SC5D: variants seen among roughly 807,000 people sequenced by gnomAD.
SC5D encodes the protein lathosterol oxidase.
SC5D carries 21 observed loss-of-function variants against 23.9 expected under a neutral mutation model. That is an observed-to-expected ratio of 0.88 (90% CI 0.62 to 1.26). The LOEUF (loss-of-function observed/expected upper bound fraction) is 1.26. Ranked by LOEUF, SC5D falls within the 50% of genes most tolerant of loss-of-function variation. The pLI is 0.00. For synonymous variants in SC5D, 113 were observed against 125.9 expected (o/e 0.90, Z 0.68); for missense variants, 309 against 364.8 (o/e 0.85, Z 1.25).
intron 1 of SC5D, among the ~76,000 whole-genome samples, chr11:121,302,954 G>C (rs577786468): frequency 1.8e-4 from 28 of 152,324 alleles, no homozygotes; most frequent in African/African-American, 6.5e-4. Flanking sequence ...TTGAAGGAGA[G>C]AGATGAGCTG....
chr11:121,293,621 T>A (rs1286024317), intron 1 of SC5D, among the ~76,000 whole-genome samples: 1 of 152,202 alleles, frequency 6.6e-6, no homozygotes, highest in African/African-American at 2.4e-5. Flanking sequence ...TACATAGAGT[T>A]TCCAAACTGG....
chr11:121,299,237 A>G (rs1363885702), intron 1 of SC5D, among the ~76,000 whole-genome samples: 1 of 152,184 alleles, frequency 6.6e-6, no homozygotes, highest in African/African-American at 2.4e-5. Flanking sequence ...TATCTTGGAT[A>G]TTGTTGCTTT....
chr11:121,308,762 G>A lies in SC5D; in HGVS notation c.*1250G>A, dbSNP rs1252998294. The A allele has an allele frequency of 6.6e-6, 1 of 152,598 alleles. No individual in the cohort carries two copies. The highest frequency in any genetic ancestry group is 1.5e-5 in the Non-Finnish European group (1 of 68,018). 9.5% of individuals were successfully genotyped at this position (152,598 alleles called of 1,614,324 possible). The stretch of plus-strand genomic sequence containing the variant: ...CATCCCCGGACACTCAGTGTCACAG[G>A]GGGAAAGAAGTGGGTACCACATTCT... On this transcript the variant is annotated 3_prime_UTR_variant, in exon 5 of 5. Coordinates refer to ENST00000264027, the MANE Select transcript of SC5D (RefSeq NM_006918.5).
intron 1 of SC5D, among the ~76,000 whole-genome samples, chr11:121,293,463 C>T (rs1947866380): frequency 6.6e-6 from 1 of 152,130 alleles, no homozygotes; most frequent in African/African-American, 2.4e-5. Context: ...AATGAAGGGA[C>T]AGCAATCTGG....
rs1947948524 is a variant in SC5D, at chr11:121,304,462, A to G, written c.312A>G (p.Lys104=). ...TGCTGGAGATAAGAGGTTACAGCAAATTACATGATGACCTAGGAGAGTTTC... is the reference window on the plus strand; with the variant it reads ...TGCTGGAGATAAGAGGTTACAGCAAGTTACATGATGACCTAGGAGAGTTTC... ...LFLLEIRGYS[K]LHDDLGEFPY... Residue 104 remains lysine (K), a synonymous_variant, in exon 3 of 5, where the codon AAA becomes AAG. Coordinates refer to ENST00000264027, the MANE Select transcript of SC5D (RefSeq NM_006918.5). 6.2e-7 allele frequency: 1 copy of G among 1,613,338 alleles called. No homozygotes were observed. The highest frequency in any genetic ancestry group is 1.7e-5 in the Admixed American group (1 of 60,006).
At chr11:121,303,615 G>T (rs766796433) in intron 2 of SC5D, 30 bp downstream of exon 2, 1 of 1,483,518 alleles carries the variant, frequency 6.7e-7, no homozygotes. Flanking sequence ...ATTTTCTAAC[G>T]ATTAAAGTAA....
chr11:121,307,400 A>G lies in SC5D; in HGVS notation c.788A>G (p.Lys263Arg). The G allele has an allele frequency of 6.2e-7, 1 of 1,613,638 alleles. No individual in the cohort carries two copies. The highest frequency in any genetic ancestry group is 8.5e-7 in the Non-Finnish European group (1 of 1,179,546). The change falls in exon 5 of 5, where the codon AAG (lysine) becomes AGG (arginine). Residue 263 changes from lysine to arginine, a missense_variant. Coordinates refer to ENST00000264027, the MANE Select transcript of SC5D (RefSeq NM_006918.5). ...AAAAATCCTTCATCCTTTGAGGGGA[A>G]GGGACCGCTCAGTTATGTGAAGGAG... ...SFKNPSSFEGKGPLSYVKEMT... is the reference protein window; with the variant it reads ...SFKNPSSFEGRGPLSYVKEMT...
chr11:121,298,467 A>G (rs1386322499), intron 1 of SC5D, among the ~76,000 whole-genome samples: 1 of 152,218 alleles, frequency 6.6e-6, no homozygotes, highest in East Asian at 1.9e-4. Context: ...GCAATAATAA[A>G]TGTTTAACAT....
At chr11:121,304,845 T>G (rs181607022) in intron 3 of SC5D, 209 of 264,220 alleles carry the variant, frequency 7.9e-4, no homozygotes, top group African/African-American at 4.5e-3. Flanking sequence ...TAAAATGCAT[T>G]ATTCTGCTTC....
In SC5D at chr11:121,306,470, A is replaced by G. The variant is rs773419961; in HGVS notation, c.428A>G (p.His143Arg). 4.0e-6 allele frequency: 6 copies of G among 1,488,140 alleles called. No homozygotes were observed. The highest frequency in any genetic ancestry group is 1.1e-5 in the South Asian group (1 of 88,566). The allele number at this position is 1,488,140 out of a possible 1,614,324, so 92.2% of individuals were successfully genotyped here. A position where few individuals can be genotyped will look rare whatever the true frequency, so the allele number is the denominator to read the frequency against. ...TACTGGATTCACAGAGGCCTTCATC[A>G]TAGACTGGTATATAAGGTAAAGTCA... ...FIYWIHRGLH[H>R]RLVYKRLHKP... Residue 143 changes from histidine to arginine, a missense_variant, in exon 4 of 5, where the codon CAT becomes CGT. Coordinates refer to ENST00000264027, the MANE Select transcript of SC5D (RefSeq NM_006918.5).
intron 1 of SC5D, among the ~76,000 whole-genome samples, chr11:121,301,011 G>A (rs1454392797): frequency 1.3e-5 from 2 of 152,176 alleles, no homozygotes; most frequent in East Asian, 1.9e-4. Context: ...CAGGGTGGGC[G>A]GTGGTGCATA....
intron 4 of SC5D, 70 bp from the exon 5 acceptor site, chr11:121,306,987 T>C: frequency 8.0e-7 from 1 of 1,257,818 alleles, no homozygotes; most frequent in Non-Finnish European, 1.2e-6. Flanking sequence ...CCAACATGAG[T>C]GTGAGAAGCT....
intron 3 of SC5D, chr11:121,306,056 AG>A (rs1947961817): frequency 6.2e-6 from 2 of 320,136 alleles, no homozygotes; most frequent in Non-Finnish European, 1.2e-5. Flanking sequence ...GATGGGTTTT[AG>A]GAAGATTAAT....
intron 1 of SC5D, among the ~76,000 whole-genome samples, chr11:121,295,911 G>A (rs780976191): frequency 5.9e-5 from 9 of 152,100 alleles, no homozygotes; most frequent in East Asian, 5.8e-4. Context: ...TTTTACTTGC[G>A]CGAAATCTCT....
chr11:121,306,559 C>CT (rs780290520), intron 4 of SC5D, 73 bp downstream of exon 4: 1 of 813,790 alleles, frequency 1.2e-6, no homozygotes, highest in East Asian at 2.5e-5. Context: ...ATTCTGTTCT[C>CT]TATTTCCAAG....
In SC5D at chr11:121,306,473, G is replaced by T. The variant is rs1160124045; in HGVS notation, c.431G>T (p.Arg144Ile). 2.5e-5 allele frequency: 37 copies of T among 1,488,436 alleles called. No homozygotes were observed. The highest frequency in any genetic ancestry group is 3.2e-5 in the Non-Finnish European group (34 of 1,065,652). 92.2% of individuals were successfully genotyped at this position (1,488,436 alleles called of 1,614,324 possible). ...TGGATTCACAGAGGCCTTCATCATA[G>T]ACTGGTATATAAGGTAAAGTCATTT... is the stretch of plus-strand genomic sequence containing the variant. ...IYWIHRGLHH[R>I]LVYKRLHKPH... is the part of the protein sequence containing the mutation. Residue 144 changes from arginine (R) to isoleucine (I), a missense_variant, in exon 4 of 5, where the codon AGA becomes ATA. Physicochemically the swap from Arg to Ile is moderately conservative, Grantham distance 97 (BLOSUM62 -3). Coordinates refer to ENST00000264027, the MANE Select transcript of SC5D (RefSeq NM_006918.5).
At chr11:121,307,010 G>T (rs756495169) in intron 4 of SC5D, 47 bp from the exon 5 acceptor site, 4 of 1,503,142 alleles carry the variant, frequency 2.7e-6, no homozygotes, top group Non-Finnish European at 3.7e-6. Context: ...GTTGAATGTT[G>T]CACGGGGTAA....
In SC5D at chr11:121,299,017, G is replaced by A. The variant is rs558782021; in HGVS notation, c.-10-4349G>A. ...TCACTTCTTTTGTAATTCTTCAGTT[G>A]CTTCAGGCCATCTGGATGTATACGT... On this transcript the variant is annotated intron_variant, in intron 1 of 4. Transcript: ENST00000264027. Among the ~76,000 whole-genome samples, 37 of 152,312 alleles carry A rather than the reference G, an allele frequency of 2.4e-4. No individual in the cohort carries two copies. In the Middle Eastern group the frequency reaches 0.01, roughly 42 times the overall value.
At chr11:121,296,172 T>C (rs1947887728) in intron 1 of SC5D, among the ~76,000 whole-genome samples, 1 of 152,174 alleles carries the variant, frequency 6.6e-6, no homozygotes, top group South Asian at 2.1e-4. Context: ...CCTAGCCTAG[T>C]AGTCCAGATT....
Sources: allele counts gnomAD v4.1 joint callset (sites outside exome capture counted in the v4.1 genomes callset), GRCh38; gene constraint gnomAD v4.1.1; transcripts MANE v1.5; gene names NCBI Gene and HGNC (gene_info 2026-07-23, HGNC 2026-07-21).